Variants in PRR30 observed in about 807,000 individuals in gnomAD.
The protein encoded by PRR30 is proline-rich protein 30.
For missense variants in PRR30, 546 were observed against 525.3 expected (o/e 1.04, Z -0.39); for synonymous variants, 229 against 222.7 (o/e 1.03, Z -0.25).
At position 27,137,910 on chromosome 2, in the gene PRR30, G is replaced by A. The variant is rs371157472; in HGVS notation, c.420C>T (p.His140=). 14 of 1,607,786 alleles carry A rather than the reference G, an allele frequency of 8.7e-6. No homozygotes were observed. The highest frequency in any genetic ancestry group is 1.1e-5 in the South Asian group (1 of 90,170). Residue 140 remains histidine, a synonymous_variant, in exon 3 of 3, where the codon CAC becomes CAT. Transcript: ENST00000335524. This position sits in a 1 kb window ranked among gnomAD's most constrained non-coding sequence, Gnocchi z 4.3. ...PSQPQNSSLP[H]SPCQSPSHPE... Reference sequence around the variant, plus strand: ...GGTGGGAAGGGGACTGGCAAGGTGAGTGGGGAAGGGAGGAGTTCTGAGGCT... The same window carrying A: ...GGTGGGAAGGGGACTGGCAAGGTGAATGGGGAAGGGAGGAGTTCTGAGGCT...
intron 1 of PRR30, 113 bp downstream of exon 1, chr2:27,139,190 C>A (rs1672564035): frequency 6.6e-6 from 1 of 152,494 alleles, no homozygotes; most frequent in Non-Finnish European, 1.5e-5. Context: ...TTCTCCTAAT[C>A]CTGATTCGGG....
chr2:27,138,079 G>A lies in PRR30; in HGVS notation c.251C>T (p.Pro84Leu). ...TGGGAGAGAGGGAGAATAGGGATGT[G>A]GAGCAAAGTCAGAATTTGAGTCACA... is the stretch of plus-strand genomic sequence containing the variant. ...GSCDSNSDFA[P>L]HPYSPSLPSS... The change falls in exon 3 of 3, where the codon CCA (proline) becomes CTA (leucine). Residue 84 changes from proline to leucine, a missense_variant. Coordinates refer to ENST00000335524, the MANE Select transcript of PRR30 (RefSeq NM_178553.4). 6.2e-7 allele frequency: 1 copy of A among 1,614,034 alleles called. No individual in the cohort carries two copies. Among genetic ancestry groups the A allele is most frequent in the Non-Finnish European group, 8.5e-7 (1 of 1,180,016 alleles).
Position 27,138,242 on chromosome 2 carries a change from A to G in PRR30, c.88T>C (p.Ser30Pro). Reference protein sequence around the residue: ...PTWGFSQLVDSSPHNLQPLSP... With the variant: ...PTWGFSQLVDPSPHNLQPLSP... ...AGAGGCTGTAGGTTGTGAGGAGAGG[A>G]GTCCACAAGTTGTGAGAAGCCCCAA... Residue 30 changes from serine to proline, a missense_variant, in exon 3 of 3, where the codon TCC becomes CCC. Ser to Pro is a moderately conservative substitution (Grantham distance 74, BLOSUM62 -1). Transcript: ENST00000335524. 2 of 1,613,978 alleles carry G rather than the reference A, an allele frequency of 1.2e-6. No individual in the cohort carries two copies. Among genetic ancestry groups the G allele is most frequent in the Non-Finnish European group, 8.5e-7 (1 of 1,179,986 alleles).
rs143880024 is a variant in PRR30, at chr2:27,137,962, G to C, written c.368C>G (p.Pro123Arg). Reference protein sequence around the residue: ...PSNHWLYPSPPLTPSFSPSQP... With the variant: ...PSNHWLYPSPRLTPSFSPSQP... The stretch of plus-strand genomic sequence containing the variant: ...GGAGGGAGAAAAGGAAGGGGTCAGA[G>C]GGGGAGAGGGGTACAGCCAGTGGTT... Residue 123 changes from proline to arginine, a missense_variant, in exon 3 of 3, where the codon CCT becomes CGT. Coordinates refer to ENST00000335524, the MANE Select transcript of PRR30 (RefSeq NM_178553.4). This position sits in a 1 kb window ranked among gnomAD's most constrained non-coding sequence, Gnocchi z 4.3. The C allele has an allele frequency of 9.3e-6, 15 of 1,610,780 alleles. No homozygotes were observed. In the African/African-American group the frequency reaches 2.0e-4, roughly 21 times the overall value.
chr2:27,137,967 A>T lies in PRR30; in HGVS notation c.363T>A (p.Ser121=). Residue 121 remains serine (S), a synonymous_variant, in exon 3 of 3, where the codon TCT becomes TCA. Transcript: ENST00000335524. This position sits in a 1 kb window ranked among gnomAD's most constrained non-coding sequence, Gnocchi z 4.3. The part of the protein sequence containing the change: ...SSPSNHWLYP[S]PPLTPSFSPS... ...GAGAAAAGGAAGGGGTCAGAGGGGG[A>T]GAGGGGTACAGCCAGTGGTTGGAGG... 6.2e-7 allele frequency: 1 copy of T among 1,609,700 alleles called. No homozygotes were observed. The highest frequency in any genetic ancestry group is 8.5e-7 in the Non-Finnish European group (1 of 1,178,354).
rs1279684868 is a variant in PRR30 at position 27,138,399 on chromosome 2, A to G, written c.-70T>C. On this transcript the variant is annotated 5_prime_UTR_variant, in exon 3 of 3. Transcript: ENST00000335524. ...GAGACCTGGCAGAGTCAGGACCAGT[A>G]TCTCTGAGGTCAGCTGTGCCTGAGA... The G allele has an allele frequency of 1.3e-6, 2 of 1,518,764 alleles. No homozygotes were observed. The highest frequency in any genetic ancestry group is 1.8e-6 in the Non-Finnish European group (2 of 1,136,234). The allele number at this position is 1,518,764 out of a possible 1,614,324, so 94.1% of individuals were successfully genotyped here. A position where few individuals can be genotyped will look rare whatever the true frequency, so the allele number is the denominator to read the frequency against.
chr2:27,138,867 T>C (rs1672559970), intron 2 of PRR30, 103 bp downstream of exon 2: 1 of 162,148 alleles, frequency 6.2e-6, no homozygotes, highest in Admixed American at 6.5e-5. Flanking sequence ...AGGAGAGGAA[T>C]AAGGAGGAAG....
chr2:27,137,512 C>CG lies in PRR30; in HGVS notation c.817dup (p.Arg273ProfsTer200), dbSNP rs762999109. 2 of 1,595,504 alleles carry CG rather than the reference C, an allele frequency of 1.3e-6. No homozygotes were observed. The highest frequency in any genetic ancestry group is 2.3e-5 in the South Asian group (2 of 88,470). ...CAGTAGTTGAGGGAAAGCAAGCAGCCGGGGTCCAGTCCTGTACCTGGGGAG... is the reference window on the plus strand; with the variant it reads ...CAGTAGTTGAGGGAAAGCAAGCAGCCGGGGGTCCAGTCCTGTACCTGGGGAG... On this transcript the variant is annotated frameshift_variant, in exon 3 of 3. Coordinates refer to ENST00000335524, the MANE Select transcript of PRR30 (RefSeq NM_178553.4). LOFTEE classifies it low-confidence loss of function (END_TRUNC). This position sits in a 1 kb window ranked among gnomAD's most constrained non-coding sequence, Gnocchi z 4.3.
At position 27,137,432 on chromosome 2, in the gene PRR30, G is replaced by A; in HGVS notation, c.898C>T (p.Leu300Phe). Reference protein sequence around the residue: ...GPLRIGIGFGLRLPQGQARAL... With the variant: ...GPLRIGIGFGFRLPQGQARAL... ...CTGGCCTGGCCCTGAGGCAGGCGGA[G>A]GCCGAAGCCGATGCCTATCCGGAGT... Residue 300 changes from leucine (L) to phenylalanine (F), a missense_variant, in exon 3 of 3, where the codon CTC becomes TTC. Leu to Phe is a conservative substitution (Grantham distance 22, BLOSUM62 0). Transcript: ENST00000335524. The surrounding 1 kb of genome is among the most constrained non-coding windows in gnomAD (Gnocchi z 4.3). 6.2e-7 allele frequency: 1 copy of A among 1,612,824 alleles called. No homozygotes were observed. Among genetic ancestry groups the A allele is most frequent in the South Asian group, 1.1e-5 (1 of 91,070 alleles).
chr2:27,137,050 G>C lies in PRR30; in HGVS notation c.*41C>G, dbSNP rs774392192. The C allele has an allele frequency of 3.1e-6, 5 of 1,596,628 alleles. No homozygotes were observed. Among genetic ancestry groups the C allele is most frequent in the Non-Finnish European group, 4.3e-6 (5 of 1,170,080 alleles). ...TCTGGGGCCTGGTTGGGAGGGTTGG[G>C]TTTGGAGGGGGTGTTCCAGGGGGCC... On this transcript the variant is annotated 3_prime_UTR_variant, in exon 3 of 3. Transcript: ENST00000335524. The surrounding 1 kb of genome is among the most constrained non-coding windows in gnomAD (Gnocchi z 4.3).
In PRR30 at chr2:27,138,160, C is replaced by A; in HGVS notation, c.170G>T (p.Arg57Leu). 2 of 1,613,598 alleles carry A rather than the reference C, an allele frequency of 1.2e-6. No homozygotes were observed. Among genetic ancestry groups the A allele is most frequent in the Non-Finnish European group, 8.5e-7 (1 of 1,179,888 alleles). Reference protein sequence around the residue: ...SQPPFSSTQSRRPSSPPPASP... With the variant: ...SQPPFSSTQSLRPSSPPPASP... ...TGCTGGTGGAGGGGAGGAGGGACGA[C>A]GGGACTGAGTGGAAGAGAACGGTGG... The change falls in exon 3 of 3, where the codon CGT becomes CTT. Residue 57 changes from arginine (R) to leucine (L), a missense_variant. Transcript: ENST00000335524.
In PRR30 at chr2:27,138,163, G is replaced by A; in HGVS notation, c.167C>T (p.Ser56Phe). 2 of 1,613,928 alleles carry A rather than the reference G, an allele frequency of 1.2e-6. No individual in the cohort carries two copies. Among genetic ancestry groups the A allele is most frequent in the South Asian group, 2.2e-5 (2 of 91,052 alleles). The change falls in exon 3 of 3, where the codon TCC (serine) becomes TTC (phenylalanine). Residue 56 changes from serine (S) to phenylalanine (F), a missense_variant. Ser to Phe is a radical substitution (Grantham distance 155, BLOSUM62 -2). Coordinates refer to ENST00000335524, the MANE Select transcript of PRR30 (RefSeq NM_178553.4). ...TGGTGGAGGGGAGGAGGGACGACGG[G>A]ACTGAGTGGAAGAGAACGGTGGTTG... ...PSQPPFSSTQ[S>F]RRPSSPPPAS...
rs1391230538 is a variant in PRR30 at position 27,139,301 on chromosome 2, A to G, written c.-419+2T>C. On this transcript the variant is annotated splice_donor_variant, in intron 1 of 2. Transcript: ENST00000335524. LOFTEE classifies it low-confidence loss of function (5UTR_SPLICE). ...AGCTCACCCTGGCCCAGACAGAGAT[A>G]CCTTATTATACCCAGCAGCAGAAGG... 4.6e-5 allele frequency: 7 copies of G among 152,268 alleles called. No homozygotes were observed. The highest frequency in any genetic ancestry group is 1.0e-4 in the Non-Finnish European group (7 of 68,062). The allele number at this position is 152,268 out of a possible 1,614,324, so 9.4% of individuals were successfully genotyped here. A position where few individuals can be genotyped will look rare whatever the true frequency, so the allele number is the denominator to read the frequency against.
In PRR30 at chr2:27,138,544, G is replaced by A. The variant is rs1011437277; in HGVS notation, c.-215C>T. The A allele has an allele frequency of 3.5e-6, 3 of 868,766 alleles. No individual in the cohort carries two copies. The highest frequency in any genetic ancestry group is 3.2e-5 in the Admixed American group (1 of 31,374). 53.8% of individuals were successfully genotyped at this position (868,766 alleles called of 1,614,324 possible). ...CCAGGCTCTCAGGGTGTTCAGGCAT[G>A]AGCATGAATCTAAGCTTGGCTTCTC... On this transcript the variant is annotated 5_prime_UTR_variant, in exon 3 of 3. Coordinates refer to ENST00000335524, the MANE Select transcript of PRR30 (RefSeq NM_178553.4).
chr2:27,137,764 G>GGGGACC lies in PRR30; in HGVS notation c.560_565dup (p.Ser188_Pro189insArgSer). The GGGGACC allele has an allele frequency of 6.2e-7, 1 of 1,613,652 alleles. No homozygotes were observed. The highest frequency in any genetic ancestry group is 1.7e-5 in the Admixed American group (1 of 60,006). The stretch of plus-strand genomic sequence containing the variant: ...TGGCACGCATCTCTCCACCACTCCA[G>GGGGACC]GGGACCCGGACCCAGTGTCCCTGTA... On this transcript the variant is annotated inframe_insertion, in exon 3 of 3. Transcript: ENST00000335524. The surrounding 1 kb of genome is among the most constrained non-coding windows in gnomAD (Gnocchi z 4.3).
Position 27,137,231 on chromosome 2 carries a change from A to G in PRR30, c.1099T>C (p.Ser367Pro), listed in dbSNP as rs1245530905. 2 of 1,613,930 alleles carry G rather than the reference A, an allele frequency of 1.2e-6. No individual in the cohort carries two copies. Among genetic ancestry groups the G allele is most frequent in the Non-Finnish European group, 1.7e-6 (2 of 1,179,996 alleles). ...GAGAAACATCGTGGGGAGTTTGGTG[A>G]TTGAAGGCCTGCAGACCTGAAGCTC... ...TRSFRSAGLQ[S>P]PNSPRCFSGP... The change falls in exon 3 of 3, where the codon TCA becomes CCA. Residue 367 changes from serine to proline, a missense_variant. By Grantham distance (74) the Ser-to-Pro change is moderately conservative (BLOSUM62 -1). Coordinates refer to ENST00000335524, the MANE Select transcript of PRR30 (RefSeq NM_178553.4). The surrounding 1 kb of genome is among the most constrained non-coding windows in gnomAD (Gnocchi z 4.3).
Position 27,137,073 on chromosome 2 carries a change from G to A in PRR30, c.*18C>T, listed in dbSNP as rs761530162. The stretch of plus-strand genomic sequence containing the variant: ...GGGTTTGGAGGGGGTGTTCCAGGGG[G>A]CCTCCGTGGCTCTGGAACTAGACTG... On this transcript the variant is annotated 3_prime_UTR_variant, in exon 3 of 3. Coordinates refer to ENST00000335524, the MANE Select transcript of PRR30 (RefSeq NM_178553.4). The surrounding 1 kb of genome is among the most constrained non-coding windows in gnomAD (Gnocchi z 4.3). 6.8e-6 allele frequency: 11 copies of A among 1,607,050 alleles called. No homozygotes were observed. In the Admixed American group the frequency reaches 1.2e-4, roughly 17 times the overall value.
chr2:27,136,905 T>C lies in PRR30; in HGVS notation c.*186A>G. ...AGGGCTGAATGGGGCCTTGGTGCCC[T>C]TGGTCCTCTTCAGCCTGGAGACAGC... is the stretch of plus-strand genomic sequence containing the variant. On this transcript the variant is annotated 3_prime_UTR_variant, in exon 3 of 3. Coordinates refer to ENST00000335524, the MANE Select transcript of PRR30 (RefSeq NM_178553.4). 1.3e-6 allele frequency: 1 copy of C among 790,758 alleles called. No homozygotes were observed. The highest frequency in any genetic ancestry group is 2.0e-6 in the Non-Finnish European group (1 of 511,916). The allele number at this position is 790,758 out of a possible 1,614,324, so 49.0% of individuals were successfully genotyped here.
chr2:27,137,587 T>A lies in PRR30; in HGVS notation c.743A>T (p.Glu248Val), dbSNP rs201622394. The change falls in exon 3 of 3, where the codon GAG becomes GTG. Residue 248 changes from glutamate to valine, a missense_variant. Coordinates refer to ENST00000335524, the MANE Select transcript of PRR30 (RefSeq NM_178553.4). The surrounding 1 kb of genome is among the most constrained non-coding windows in gnomAD (Gnocchi z 4.3). The part of the protein sequence containing the change: ...LGRTGQAPVV[E>V]YPICLVCLRP... ...GAGGCACACCAGGCATATAGGATAC[T>A]CCACGACTGGGGCCTGGCCGGTTCT... is the stretch of plus-strand genomic sequence containing the variant. The A allele has an allele frequency of 2.5e-5, 40 of 1,605,458 alleles. No individual in the cohort carries two copies. In the East Asian group the frequency reaches 7.6e-4, roughly 30 times the overall value.
Sources: allele counts gnomAD v4.1 joint callset, GRCh38; gene constraint gnomAD v4.1.1; non-coding constraint Gnocchi (gnomAD v3.1); transcripts MANE v1.5; gene names NCBI Gene and HGNC (gene_info 2026-07-23, HGNC 2026-07-21).